The following TTPAL variants were observed in gnomAD, a reference collection of about 807,000 sequenced individuals.
TTPAL encodes the protein alpha-tocopherol transfer protein-like.
In TTPAL, 21 loss-of-function variants were observed where a neutral mutation model predicts 28.7. That is an observed-to-expected ratio of 0.73 (90% CI 0.52 to 1.06). The LOEUF (loss-of-function observed/expected upper bound fraction) is 1.06. TTPAL is among the 50% of genes least tolerant of loss of function. The probability of loss-of-function intolerance (pLI) is 0.00; values close to 1 mark genes in which losing one functional copy is unlikely to be tolerated. For synonymous variants in TTPAL, 169 were observed against 171.9 expected (o/e 0.98, Z 0.13); for missense variants, 345 against 425.5 (o/e 0.81, Z 1.67).
chr20:44,480,595 A>C lies in TTPAL; in HGVS notation c.445+151A>C. 1.4e-6 allele frequency: 1 copy of C among 736,730 alleles called. No individual in the cohort carries two copies. The allele number at this position is 736,730 out of a possible 1,614,324, so 45.6% of individuals were successfully genotyped here. On this transcript the variant is annotated intron_variant, in intron 2 of 4. Coordinates refer to ENST00000262605, the MANE Select transcript of TTPAL (RefSeq NM_001039199.3). The surrounding 1 kb of genome is among the most constrained non-coding windows in gnomAD (Gnocchi z 4.1). ...TTGCAGATAACACAAACCTACTCAAACCAACTTCAGAAAAAAGGGAGGATT... is the reference window on the plus strand; with the variant it reads ...TTGCAGATAACACAAACCTACTCAACCCAACTTCAGAAAAAAGGGAGGATT...
At chr20:44,486,403 C>A (rs2064152244) in intron 3 of TTPAL, 193 bp from the exon 4 acceptor site, 1 of 474,974 alleles carries the variant, frequency 2.1e-6, no homozygotes, top group East Asian at 3.5e-5. Flanking sequence ...CTCTTCTAAC[C>A]CAGTTTTGGG....
intron 1 of TTPAL, among the ~76,000 whole-genome samples, chr20:44,479,166 T>G (rs181403759): frequency 2.0e-5 from 3 of 152,336 alleles, no homozygotes; most frequent in African/African-American, 7.2e-5. Context: ...TGATAGGCAG[T>G]TAAGATGTTT....
In TTPAL at chr20:44,480,371, C is replaced by T. The variant is rs756385663; in HGVS notation, c.372C>T (p.Val124=). The T allele has an allele frequency of 1.1e-5, 17 of 1,613,960 alleles. No individual in the cohort carries two copies. The East Asian group carries it at 3.8e-4, about 36-fold the overall frequency. Residue 124 remains valine, a synonymous_variant, in exon 2 of 5, where the codon GTC becomes GTT. Transcript: ENST00000262605. This position sits in a 1 kb window ranked among gnomAD's most constrained non-coding sequence, Gnocchi z 4.1. ...NNLKPSALKD[V]LASGFLTVLP... ...TGAAGCCATCAGCCTTAAAAGATGT[C>T]CTTGCTTCCGGGTTCCTCACCGTGC...
Position 44,489,615 on chromosome 20 carries a change from T to G in TTPAL, c.*74T>G, listed in dbSNP as rs1260908512. The G allele has an allele frequency of 6.9e-7, 1 of 1,459,204 alleles. No individual in the cohort carries two copies. Among genetic ancestry groups the G allele is most frequent in the Admixed American group, 2.2e-5 (1 of 45,650 alleles). The allele number at this position is 1,459,204 out of a possible 1,614,324, so 90.4% of individuals were successfully genotyped here. ...GAGAGGCACAAGGAGAATTTAAGGGTCCATGGATTCAGTCTTGCTCCTTGT... is the reference window on the plus strand; with the variant it reads ...GAGAGGCACAAGGAGAATTTAAGGGGCCATGGATTCAGTCTTGCTCCTTGT... On this transcript the variant is annotated 3_prime_UTR_variant, in exon 5 of 5. Coordinates refer to ENST00000262605, the MANE Select transcript of TTPAL (RefSeq NM_001039199.3).
In TTPAL at chr20:44,492,852, C is replaced by T. The variant is rs2064220283; in HGVS notation, c.*3311C>T. The T allele has an allele frequency of 1.3e-5, 2 of 152,324 alleles. No homozygotes were observed. The highest frequency in any genetic ancestry group is 2.9e-5 in the Non-Finnish European group (2 of 68,038). 9.4% of individuals were successfully genotyped at this position (152,324 alleles called of 1,614,324 possible). On this transcript the variant is annotated 3_prime_UTR_variant, in exon 5 of 5. Coordinates refer to ENST00000262605, the MANE Select transcript of TTPAL (RefSeq NM_001039199.3). ...TCTAACTTGCTCTTGGCAAAGGTCG[C>T]TTTATTTTTTAATTTTTTTCCTTGC... is the stretch of plus-strand genomic sequence containing the variant.
At chr20:44,484,035 T>G (rs1360092200) in intron 2 of TTPAL, among the ~76,000 whole-genome samples, 1 of 152,120 alleles carries the variant, frequency 6.6e-6, no homozygotes, top group African/African-American at 2.4e-5. Context: ...TATGCTTAAT[T>G]CCTCCCACCT....
intron 1 of TTPAL, among the ~76,000 whole-genome samples, chr20:44,478,828 G>A (rs1258435816): frequency 6.6e-6 from 1 of 152,142 alleles, no homozygotes; most frequent in African/African-American, 2.4e-5. Flanking sequence ...GTCTTGCTCT[G>A]TCACCCAGGT....
At chr20:44,485,779 AAATT>A (rs909042812) in intron 3 of TTPAL, 2 of 152,160 alleles carry the variant, frequency 1.3e-5, no homozygotes, top group African/African-American at 4.8e-5. Flanking sequence ...AGAGGAGAAA[AAATT>A]AAGTAAGTTT....
Position 44,486,431 on chromosome 20 carries a change from C to T in TTPAL, c.640-165C>T. The T allele has an allele frequency of 1.2e-5, 6 of 514,812 alleles. No homozygotes were observed. In the South Asian group the frequency reaches 1.7e-4, roughly 15 times the overall value. The allele number at this position is 514,812 out of a possible 1,614,324, so 31.9% of individuals were successfully genotyped here. A position where few individuals can be genotyped will look rare whatever the true frequency, so the allele number is the denominator to read the frequency against. On this transcript the variant is annotated intron_variant, in intron 3 of 4. Transcript: ENST00000262605. Reference sequence around the variant, plus strand: ...GTTTTGGGTCCCAGGAAAGACTTTCCCTGAGGTCCGTCTTCCTAGTTAGGC... The same window carrying T: ...GTTTTGGGTCCCAGGAAAGACTTTCTCTGAGGTCCGTCTTCCTAGTTAGGC...
At chr20:44,479,457 A>G (rs114537366) in intron 1 of TTPAL, among the ~76,000 whole-genome samples, 2,578 of 124,024 alleles carry the variant, frequency 0.021, 77 homozygotes, top group African/African-American at 0.074. Context: ...GGAGTGCAGC[A>G]GCGCCATCTC....
intron 4 of TTPAL, among the ~76,000 whole-genome samples, chr20:44,488,091 T>C (rs890117683): frequency 2.0e-5 from 3 of 152,154 alleles, no homozygotes; most frequent in African/African-American, 7.2e-5. Context: ...AAGTAACATA[T>C]ATAGATGGAA....
rs2064193635 is a variant in TTPAL, at chr20:44,490,370, T to C, written c.*829T>C. On this transcript the variant is annotated 3_prime_UTR_variant, in exon 5 of 5. Coordinates refer to ENST00000262605, the MANE Select transcript of TTPAL (RefSeq NM_001039199.3). ...CAGGTGTACAACTATGGACAAGATA[T>C]GGGCCTCTACTTTCTCCTCTATAAA... is the stretch of plus-strand genomic sequence containing the variant. The C allele has an allele frequency of 6.6e-6, 1 of 152,348 alleles. No homozygotes were observed. Among genetic ancestry groups the C allele is most frequent in the Admixed American group, 6.5e-5 (1 of 15,280 alleles). 9.4% of individuals were successfully genotyped at this position (152,348 alleles called of 1,614,324 possible). A position where few individuals can be genotyped will look rare whatever the true frequency, so the allele number is the denominator to read the frequency against.
At chr20:44,476,382 G>A (rs1009160116) in intron 1 of TTPAL, among the ~76,000 whole-genome samples, 4 of 152,210 alleles carry the variant, frequency 2.6e-5, no homozygotes, top group Non-Finnish European at 5.9e-5. Flanking sequence ...GCACTGCTGA[G>A]TCCCTGGAGA....
chr20:44,494,194 G>A lies in TTPAL; in HGVS notation c.*4653G>A, dbSNP rs2064233471. ...TAGTGATGAAATTCCTGTTTCATGG[G>A]GCTGTTTTTCTTTTCATCTCACTGG... On this transcript the variant is annotated 3_prime_UTR_variant, in exon 5 of 5. Transcript: ENST00000262605. 1 of 152,224 alleles carries A rather than the reference G, an allele frequency of 6.6e-6. No individual in the cohort carries two copies. The highest frequency in any genetic ancestry group is 1.5e-5 in the Non-Finnish European group (1 of 68,008). The allele number at this position is 152,224 out of a possible 1,614,324, so 9.4% of individuals were successfully genotyped here. A position where few individuals can be genotyped will look rare whatever the true frequency, so the allele number is the denominator to read the frequency against.
At chr20:44,482,933 C>T (rs775537071) in intron 2 of TTPAL, among the ~76,000 whole-genome samples, 1 of 152,082 alleles carries the variant, frequency 6.6e-6, no homozygotes, top group Admixed American at 6.5e-5. Flanking sequence ...TCTCGGCTCA[C>T]TGTAACCTCT....
At position 44,480,083 on chromosome 20, in the gene TTPAL, T is replaced by A. The variant is rs961888658; in HGVS notation, c.84T>A (p.Pro28=). Residue 28 remains proline (P), a synonymous_variant, in exon 2 of 5, where the codon CCT becomes CCA. Transcript: ENST00000262605. This position sits in a 1 kb window ranked among gnomAD's most constrained non-coding sequence, Gnocchi z 4.1. Reference sequence around the variant, plus strand: ...ATGAGCTGCCACCACCACCTGAGCCTCCGGGCTATGTGTGCTCACTGACAG... The same window carrying A: ...ATGAGCTGCCACCACCACCTGAGCCACCGGGCTATGTGTGCTCACTGACAG... ...SENELPPPPE[P]PGYVCSLTED... is the part of the protein sequence containing the mutation. 2 of 1,614,174 alleles carry A rather than the reference T, an allele frequency of 1.2e-6. No homozygotes were observed. Among genetic ancestry groups the A allele is most frequent in the Admixed American group, 1.7e-5 (1 of 60,022 alleles).
chr20:44,486,373 C>T (rs1041723028), intron 3 of TTPAL: 3 of 386,048 alleles, frequency 7.8e-6, no homozygotes, highest in Non-Finnish European at 9.3e-6. Flanking sequence ...TGAGCCACTA[C>T]ACCCAGCCTC....
At chr20:44,478,536 G>C (rs982022557) in intron 1 of TTPAL, 1 of 152,204 alleles carries the variant, frequency 6.6e-6, no homozygotes, top group Non-Finnish European at 1.5e-5. Context: ...ATTCCCGACT[G>C]CCACGATAAG....
At chr20:44,481,015 G>A (rs1385553518) in intron 2 of TTPAL, among the ~76,000 whole-genome samples, 1 of 152,226 alleles carries the variant, frequency 6.6e-6, no homozygotes, top group African/African-American at 2.4e-5. Context: ...TTTGTGAATA[G>A]GTTGAGGTAC....
Sources: gnomAD v4.1 joint callset for allele counts (sites outside exome capture counted in the v4.1 genomes callset) on GRCh38, gnomAD v4.1.1 for gene constraint, Gnocchi (gnomAD v3.1) non-coding constraint, MANE v1.5 for transcripts, NCBI Gene and HGNC (gene_info 2026-07-23, HGNC 2026-07-21) for gene names.